The following CSMD1 variants were observed in gnomAD, a reference collection of about 807,000 sequenced individuals.
CSMD1 encodes CUB and Sushi multiple domains 1, also known as CUB and sushi domain-containing protein 1.
Under a neutral mutation model 417.5 loss-of-function variants are expected in CSMD1, and 213 were observed. That is an observed-to-expected ratio of 0.51 (90% confidence interval 0.46 to 0.57). The LOEUF (loss-of-function observed/expected upper bound fraction) is 0.57, where lower values mean the gene tolerates loss of function less well. Among genes scored for constraint, CSMD1 ranks in the 20% least tolerant of loss-of-function variants. The probability of loss-of-function intolerance (pLI) is 0.00; values close to 1 mark genes in which losing one functional copy is unlikely to be tolerated. For synonymous variants in CSMD1, 2,862 were observed against 1,736.8 expected (o/e 1.65, Z -16.11); for missense variants, 6,923 against 4,529.7 (o/e 1.53, Z -15.17).
At chr8:4,893,947 A>T (rs1184914361) in intron 1 of CSMD1, among the ~76,000 whole-genome samples, 1 of 152,068 alleles carries the variant, frequency 6.6e-6, no homozygotes, top group Admixed American at 6.5e-5. Context: ...AATGTTGTAA[A>T]GCTTTTTGTC....
chr8:4,319,447 C>T (rs973902786), intron 3 of CSMD1, among the ~76,000 whole-genome samples: 1 of 152,022 alleles, frequency 6.6e-6, no homozygotes, highest in Admixed American at 6.6e-5. Context: ...TTCCAAAATC[C>T]AAATAATAGC....
intron 3 of CSMD1, among the ~76,000 whole-genome samples, chr8:4,245,005 A>C (rs532829262): frequency 1.0e-3 from 155 of 152,330 alleles, no homozygotes; most frequent in African/African-American, 3.6e-3. Flanking sequence ...AAACATCAAA[A>C]AGAATCACAT....
chr8:3,842,108 A>C (rs1803175536), intron 5 of CSMD1, among the ~76,000 whole-genome samples: 1 of 152,216 alleles, frequency 6.6e-6, no homozygotes, highest in African/African-American at 2.4e-5. Flanking sequence ...ACATGCCTTC[A>C]TTCTGCCTAA....
intron 1 of CSMD1, among the ~76,000 whole-genome samples, chr8:4,912,340 A>G (rs1311418106): frequency 7.2e-6 from 1 of 138,114 alleles, no homozygotes; most frequent in Non-Finnish European, 1.5e-5. Context: ...AATTTCTTAC[A>G]TTAAGAAATC....
At chr8:4,038,394 G>C (rs897173142) in intron 3 of CSMD1, among the ~76,000 whole-genome samples, 1 of 152,156 alleles carries the variant, frequency 6.6e-6, no homozygotes, top group Non-Finnish European at 1.5e-5. Context: ...TGATGGAATT[G>C]TTGCTAGGTC....
chr8:3,765,445 C>T (rs531685632), intron 5 of CSMD1, among the ~76,000 whole-genome samples: 94 of 152,326 alleles, frequency 6.2e-4, no homozygotes, highest in African/African-American at 2.2e-3. Context: ...GTGTGTCTTA[C>T]ATTATTAATG....
intron 5 of CSMD1, among the ~76,000 whole-genome samples, chr8:3,962,792 A>G (rs911529153): frequency 6.6e-6 from 1 of 152,164 alleles, no homozygotes; most frequent in African/African-American, 2.4e-5. Flanking sequence ...TCATATTTTT[A>G]AAAACATTGA....
At position 4,839,196 on chromosome 8, in the gene CSMD1, G is replaced by A. The variant is rs972057050; in HGVS notation, c.85+155136C>T. Among the ~76,000 whole-genome samples, 85 of 152,110 alleles carry A rather than the reference G, an allele frequency of 5.6e-4. 3 individuals carry two copies. Among genetic ancestry groups the A allele is most frequent in the Non-Finnish European group, 1.5e-5 (1 of 68,032 alleles). ...CATCAGGTTCCAAGAAGGAAGCTCT[G>A]TCATGAGTCACTCTGAATATGCAAA... is the stretch of plus-strand genomic sequence containing the variant. On this transcript the variant is annotated intron_variant, in intron 1 of 69. Coordinates refer to ENST00000635120, the MANE Select transcript of CSMD1 (RefSeq NM_033225.6).
intron 2 of CSMD1, among the ~76,000 whole-genome samples, chr8:4,509,148 T>A (rs1802689866): frequency 6.6e-6 from 1 of 152,174 alleles, no homozygotes; most frequent in Non-Finnish European, 1.5e-5. Context: ...ATAGACCTTT[T>A]AGGGAGAATT....
intron 2 of CSMD1, among the ~76,000 whole-genome samples, chr8:4,469,031 C>T (rs1257081453): frequency 1.3e-5 from 2 of 152,150 alleles, no homozygotes; most frequent in East Asian, 1.9e-4. Flanking sequence ...AAAGACAATG[C>T]TATACTCTCT....
At chr8:4,423,659 TTCC>T (rs1797378519) in intron 2 of CSMD1, among the ~76,000 whole-genome samples, 1 of 151,986 alleles carries the variant, frequency 6.6e-6, no homozygotes, top group East Asian at 1.9e-4. Context: ...TTTACACAAT[TTCC>T]ACCAAAATCC....
At chr8:4,784,670 T>A (rs576088655) in intron 1 of CSMD1, among the ~76,000 whole-genome samples, 1 of 152,352 alleles carries the variant, frequency 6.6e-6, no homozygotes, top group South Asian at 2.1e-4. Context: ...CAAATATTTT[T>A]GAAAATTCAG....
At chr8:3,889,945 G>C (rs1319121977) in intron 5 of CSMD1, among the ~76,000 whole-genome samples, 1 of 152,154 alleles carries the variant, frequency 6.6e-6, no homozygotes, top group African/African-American at 2.4e-5. Flanking sequence ...ACGGTTGGAT[G>C]GCTGAGGTGG....
chr8:3,829,470 C>G lies in CSMD1; in HGVS notation c.819-75428G>C, dbSNP rs184800809. On this transcript the variant is annotated intron_variant, in intron 5 of 69. Transcript: ENST00000635120. ...TTCAGGTTATCTGCAGAGCCCTTGC[C>G]GCCACCCTGCTGTTCTTGAGTATTT... Among the ~76,000 whole-genome samples, 3 of 152,052 alleles carry G rather than the reference C, an allele frequency of 2.0e-5. No homozygotes were observed. In the South Asian group the frequency reaches 6.2e-4, roughly 32 times the overall value.
At chr8:3,920,775 T>C (rs1018412376) in intron 5 of CSMD1, among the ~76,000 whole-genome samples, 3 of 152,088 alleles carry the variant, frequency 2.0e-5, no homozygotes, top group Non-Finnish European at 4.4e-5. Flanking sequence ...ATATCCAATT[T>C]ATTGATTTGC....
intron 5 of CSMD1, among the ~76,000 whole-genome samples, chr8:3,947,714 C>T (rs930882877): frequency 3.9e-5 from 6 of 152,100 alleles, no homozygotes; most frequent in Admixed American, 1.3e-4. Flanking sequence ...ATTGACTAAG[C>T]CTTTTTTTAA....
chr8:3,457,936 C>G (rs758886587), intron 12 of CSMD1, among the ~76,000 whole-genome samples: 3 of 152,178 alleles, frequency 2.0e-5, no homozygotes, highest in South Asian at 2.1e-4. Context: ...AAATAGGAAG[C>G]TCATTCCAAT....
intron 3 of CSMD1, among the ~76,000 whole-genome samples, chr8:4,362,529 A>T (rs758359562): frequency 3.6e-4 from 55 of 152,210 alleles, no homozygotes; most frequent in Non-Finnish European, 5.0e-4. Flanking sequence ...AATAGATAGA[A>T]CAGGATCTTT....
At chr8:3,353,715 T>TA (rs1308029894) in intron 21 of CSMD1, among the ~76,000 whole-genome samples, 1 of 152,104 alleles carries the variant, frequency 6.6e-6, no homozygotes, top group Non-Finnish European at 1.5e-5. Flanking sequence ...TGTTTCATTT[T>TA]AAAAAAGTTT....
Sources: gnomAD v4.1 joint callset for allele counts (sites outside exome capture counted in the v4.1 genomes callset) on GRCh38, gnomAD v4.1.1 for gene constraint, MANE v1.5 for transcripts, NCBI Gene and HGNC (gene_info 2026-07-23, HGNC 2026-07-21) for gene names.